Variants in FTO observed in about 807,000 individuals in gnomAD.
The protein encoded by FTO is FTO alpha-ketoglutarate dependent dioxygenase, also known as alpha-ketoglutarate-dependent dioxygenase FTO.
In FTO, 47 loss-of-function variants were observed where a neutral mutation model predicts 63.9. That is an observed-to-expected ratio of 0.74 (90% CI 0.58 to 0.94). FTO has a LOEUF of 0.94. FTO is among the 40% of genes least tolerant of loss of function. FTO has a pLI of 0.00. For missense variants in FTO, 562 were observed against 618.1 expected (o/e 0.91, Z 0.96); for synonymous variants, 207 against 224.4 (o/e 0.92, Z 0.69).
rs1037273320 is a variant in FTO, at chr16:53,805,454, T to C, written c.46-4686T>C. Among the ~76,000 whole-genome samples the C allele has an allele frequency of 1.3e-3, 191 of 150,290 alleles. 1 individual carries two copies. In the East Asian group the frequency reaches 0.025, roughly 20 times the overall value. On this transcript the variant is annotated intron_variant, in intron 1 of 8. Coordinates refer to ENST00000471389, the MANE Select transcript of FTO (RefSeq NM_001080432.3). ...GAGTTTGAGTTGTGGTTTTTTTTTT[T>C]TTTTTTTTTGAGACAGAGAGTCTTA...
intron 1 of FTO, among the ~76,000 whole-genome samples, chr16:53,735,432 A>G (rs969254425): frequency 6.6e-6 from 1 of 152,202 alleles, no homozygotes; most frequent in African/African-American, 2.4e-5. Context: ...GTGAATGCAA[A>G]TCAGCTAACA....
At chr16:53,742,475 G>A (rs1268273006) in intron 1 of FTO, among the ~76,000 whole-genome samples, 1 of 152,158 alleles carries the variant, frequency 6.6e-6, no homozygotes, top group Admixed American at 6.5e-5. Flanking sequence ...TACTATCCCT[G>A]CCTTCTAAGG....
intron 1 of FTO, among the ~76,000 whole-genome samples, chr16:53,772,302 TTCTC>T (rs1439694731): frequency 1.3e-5 from 2 of 152,042 alleles, no homozygotes; most frequent in Non-Finnish European, 2.9e-5. Context: ...GTATTTTCTC[TTCTC>T]TCTTTTTGTA....
chr16:53,901,151 G>C (rs1482608848), intron 7 of FTO, among the ~76,000 whole-genome samples: 4 of 152,180 alleles, frequency 2.6e-5, no homozygotes, highest in African/African-American at 9.7e-5. Context: ...TGTGAGTACA[G>C]CAAACAAGCA....
intron 8 of FTO, among the ~76,000 whole-genome samples, chr16:54,055,890 T>G (rs1396590219): frequency 1.3e-5 from 2 of 152,238 alleles, no homozygotes; most frequent in Non-Finnish European, 2.9e-5. Flanking sequence ...TGGCTTGTTT[T>G]CTGGCTGAAG....
chr16:53,786,341 A>G (rs892103663), intron 1 of FTO, among the ~76,000 whole-genome samples: 17 of 152,232 alleles, frequency 1.1e-4, no homozygotes, highest in African/African-American at 4.1e-4. Flanking sequence ...CCATGGTGGT[A>G]CGCTGCTATG....
chr16:53,798,383 C>G (rs1444594777), intron 1 of FTO, among the ~76,000 whole-genome samples: 1 of 152,072 alleles, frequency 6.6e-6, no homozygotes, highest in East Asian at 1.9e-4. Context: ...AATTTGGGGA[C>G]AGTGAAATAT....
At chr16:53,793,537 A>G (rs1255615088) in intron 1 of FTO, among the ~76,000 whole-genome samples, 2 of 152,218 alleles carry the variant, frequency 1.3e-5, no homozygotes, top group Non-Finnish European at 2.9e-5. Context: ...TATTTGGAAA[A>G]CTATGAGTTA....
At chr16:54,065,723 C>T (rs771766699) in intron 8 of FTO, among the ~76,000 whole-genome samples, 8 of 152,212 alleles carry the variant, frequency 5.3e-5, no homozygotes, top group Non-Finnish European at 1.0e-4. Context: ...ACCGGGCCAC[C>T]TCTTGGACCT....
At chr16:54,048,132 A>ATT (rs1223520917) in intron 8 of FTO, among the ~76,000 whole-genome samples, 3 of 143,130 alleles carry the variant, frequency 2.1e-5, no homozygotes, top group African/African-American at 8.2e-5. Flanking sequence ...AAATTAAAAA[A>ATT]AAAAAAAAAA....
chr16:53,968,024 T>G (rs75684126), intron 8 of FTO, among the ~76,000 whole-genome samples: 5,558 of 152,326 alleles, frequency 0.036, 374 homozygotes, highest in African/African-American at 0.13. Context: ...TGTATATGTG[T>G]GTGTTCACAT....
chr16:53,771,071 A>G (rs572009377), intron 1 of FTO, among the ~76,000 whole-genome samples: 1 of 152,244 alleles, frequency 6.6e-6, no homozygotes, highest in African/African-American at 2.4e-5. Flanking sequence ...GGTTGGGGCT[A>G]TGATAGAGAC....
intron 1 of FTO, among the ~76,000 whole-genome samples, chr16:53,807,691 A>G (rs2078409244): frequency 6.6e-6 from 1 of 152,206 alleles, no homozygotes; most frequent in South Asian, 2.1e-4. Context: ...GAATTATTCA[A>G]GGCTTACCTT....
Position 53,837,580 on chromosome 16 carries a change from GAGA to G in FTO, c.752-6572_752-6570del, listed in dbSNP as rs545642577. 3.3e-5 allele frequency among the ~76,000 whole-genome samples: 5 copies of G among 152,218 alleles called. No homozygotes were observed. The South Asian group carries it at 8.3e-4, about 25-fold the overall frequency. The stretch of plus-strand genomic sequence containing the variant: ...TCAGACCATTCATTGCTCCGTGGCT[GAGA>G]AGGAGTATGTGCTGTGTCAGCAGCA... On this transcript the variant is annotated intron_variant, in intron 3 of 8. Transcript: ENST00000471389.
chr16:53,860,171 A>G (rs886883292), intron 4 of FTO, among the ~76,000 whole-genome samples: 1 of 152,226 alleles, frequency 6.6e-6, no homozygotes, highest in Non-Finnish European at 1.5e-5. Context: ...AAATCGTGTC[A>G]TGTGTGACAG....
intron 1 of FTO, among the ~76,000 whole-genome samples, chr16:53,714,743 A>C (rs2075852790): frequency 6.6e-6 from 1 of 152,174 alleles, no homozygotes; most frequent in African/African-American, 2.4e-5. Context: ...ATTGGGAAAT[A>C]GTAGTCATTG....
chr16:53,820,474 G>C (rs1028022988), intron 2 of FTO, among the ~76,000 whole-genome samples: 1 of 150,732 alleles, frequency 6.6e-6, no homozygotes, highest in African/African-American at 2.4e-5. Context: ...ATTCAGGAAA[G>C]GTTTCCTTTT....
intron 1 of FTO, among the ~76,000 whole-genome samples, chr16:53,774,661 G>A (rs1364553511): frequency 6.6e-6 from 1 of 152,148 alleles, no homozygotes; most frequent in Non-Finnish European, 1.5e-5. Flanking sequence ...TAGGGAAATA[G>A]GTTGATATAA....
At chr16:53,916,519 C>T (rs188690286) in intron 7 of FTO, among the ~76,000 whole-genome samples, 245 of 152,216 alleles carry the variant, frequency 1.6e-3, no homozygotes, top group Middle Eastern at 3.4e-3. Context: ...ATAGATGGTC[C>T]GTAAATCACG....
Sources: allele counts gnomAD v4.1 joint callset (sites outside exome capture counted in the v4.1 genomes callset), GRCh38; gene constraint gnomAD v4.1.1; transcripts MANE v1.5; gene names NCBI Gene and HGNC (gene_info 2026-07-23, HGNC 2026-07-21).